The following COG5 variants were observed in gnomAD, a reference collection of about 807,000 sequenced individuals.
COG5 encodes the protein conserved oligomeric Golgi complex subunit 5.
Under a neutral mutation model 110.4 loss-of-function variants are expected in COG5, and 86 were observed. The ratio of observed to expected loss-of-function variants is 0.78; its 90% CI spans 0.65 to 0.93. The LOEUF is 0.93. COG5 is among the 40% of genes least tolerant of loss of function. The pLI, the probability that COG5 is intolerant of heterozygous loss-of-function variation, is 0.00. For synonymous variants in COG5, 360 were observed against 334.6 expected, an observed-to-expected ratio of 1.08 and a Z score of -0.83; for missense variants, 1,077 against 987.0, an observed-to-expected ratio of 1.09 and a Z score of -1.22.
At chr7:107,212,656 T>C (rs774681953) in intron 19 of COG5, among the ~76,000 whole-genome samples, 5 of 152,172 alleles carry the variant, frequency 3.3e-5, no homozygotes, top group Admixed American at 1.3e-4. Flanking sequence ...GTCAGCAAGA[T>C]GGTAGAAGAA....
chr7:107,356,960 G>C (rs932079651), intron 10 of COG5, among the ~76,000 whole-genome samples: 1 of 152,166 alleles, frequency 6.6e-6, no homozygotes, highest in African/African-American at 2.4e-5. Context: ...AAAGAGGTTA[G>C]AAAAAGAGAT....
intron 10 of COG5, among the ~76,000 whole-genome samples, chr7:107,349,506 C>G (rs2129040512): frequency 6.6e-6 from 1 of 151,728 alleles, no homozygotes; most frequent in Non-Finnish European, 1.5e-5. Context: ...TCAAGTGATT[C>G]TCTCCTGCCT....
intron 7 of COG5, among the ~76,000 whole-genome samples, chr7:107,403,595 A>G (rs1387111090): frequency 6.6e-6 from 1 of 151,148 alleles, no homozygotes; most frequent in Non-Finnish European, 1.5e-5. Context: ...GACAACGGAC[A>G]CCTTTTTAAT....
intron 5 of COG5, among the ~76,000 whole-genome samples, chr7:107,531,359 C>A (rs1209027775): frequency 6.6e-6 from 1 of 152,108 alleles, no homozygotes; most frequent in Non-Finnish European, 1.5e-5. Context: ...ATGATTTTCT[C>A]TCTTTTTGTG....
intron 12 of COG5, among the ~76,000 whole-genome samples, chr7:107,285,901 T>G (rs1805587154): frequency 6.6e-6 from 1 of 151,834 alleles, no homozygotes; most frequent in Non-Finnish European, 1.5e-5. Flanking sequence ...TCTTAAAGCT[T>G]ACACAGTAAC....
At chr7:107,333,392 C>T (rs1345006043) in intron 10 of COG5, among the ~76,000 whole-genome samples, 1 of 151,870 alleles carries the variant, frequency 6.6e-6, no homozygotes, top group African/African-American at 2.4e-5. Context: ...AGTAAGAAAC[C>T]CTATACATGT....
chr7:107,236,345 T>C (rs1257039423), intron 18 of COG5, 105 bp downstream of exon 18: 2 of 874,152 alleles, frequency 2.3e-6, no homozygotes, highest in East Asian at 2.4e-5. Flanking sequence ...TTACTTTTCT[T>C]TGTGCTGCAA....
intron 11 of COG5, among the ~76,000 whole-genome samples, chr7:107,298,713 T>C (rs934281152): frequency 6.6e-6 from 1 of 152,150 alleles, no homozygotes. Flanking sequence ...ACACAATACT[T>C]CATGCAAAAC....
At chr7:107,353,049 T>C (rs756177387) in intron 10 of COG5, among the ~76,000 whole-genome samples, 9 of 152,222 alleles carry the variant, frequency 5.9e-5, no homozygotes, top group Non-Finnish European at 8.8e-5. Context: ...GATACCAACA[T>C]TGAATTTCTT....
intron 7 of COG5, among the ~76,000 whole-genome samples, chr7:107,376,329 G>T (rs1409625093): frequency 1.3e-5 from 2 of 151,710 alleles, no homozygotes; most frequent in African/African-American, 4.8e-5. Flanking sequence ...AAGTTTTCAG[G>T]TATTGTTTGA....
At chr7:107,353,858 A>T (rs539679218) in intron 10 of COG5, among the ~76,000 whole-genome samples, 1 of 147,200 alleles carries the variant, frequency 6.8e-6, no homozygotes, top group Admixed American at 6.8e-5. Context: ...GAATCCCACT[A>T]TCATGTGGGA....
intron 10 of COG5, among the ~76,000 whole-genome samples, chr7:107,354,809 T>A (rs1812485410): frequency 6.6e-6 from 1 of 152,230 alleles, no homozygotes. Context: ...ACTATTATTA[T>A]CCTCATCTGA....
At chr7:107,307,371 C>A (rs962068210) in intron 11 of COG5, among the ~76,000 whole-genome samples, 2 of 152,150 alleles carry the variant, frequency 1.3e-5, no homozygotes, top group African/African-American at 4.8e-5. Context: ...CCTTCCTCTG[C>A]CTTAAGTGCT....
intron 10 of COG5, among the ~76,000 whole-genome samples, chr7:107,339,048 C>A (rs948117156): frequency 1.3e-5 from 2 of 152,136 alleles, no homozygotes; most frequent in African/African-American, 4.8e-5. Flanking sequence ...AATGTAAATA[C>A]CCTAAATGCT....
chr7:107,208,034 G>C, intron 21 of COG5: 1 of 985,388 alleles, frequency 1.0e-6, no homozygotes, highest in Non-Finnish European at 1.2e-6. Context: ...GTCTACAGGG[G>C]AAAGAAATTC....
chr7:107,454,260 G>C (rs1024853889), intron 6 of COG5, among the ~76,000 whole-genome samples: 2 of 152,118 alleles, frequency 1.3e-5, no homozygotes, highest in African/African-American at 4.8e-5. Context: ...ATTTAACTCT[G>C]AGAAAATGAT....
At chr7:107,491,131 A>C (rs1012368171) in intron 6 of COG5, among the ~76,000 whole-genome samples, 1 of 152,104 alleles carries the variant, frequency 6.6e-6, no homozygotes, top group Non-Finnish European at 1.5e-5. Flanking sequence ...TTAGGTGGCT[A>C]TTCTTCAGTA....
chr7:107,411,956 A>C (rs1409005375), intron 7 of COG5, among the ~76,000 whole-genome samples: 1 of 152,178 alleles, frequency 6.6e-6, no homozygotes, highest in Non-Finnish European at 1.5e-5. Flanking sequence ...CAATTCAGAA[A>C]ATTAAGCATC....
rs576915685 is a variant in COG5, at chr7:107,437,033, A to C, written c.539-24401T>G. 1.1e-4 allele frequency among the ~76,000 whole-genome samples: 16 copies of C among 152,308 alleles called. No individual in the cohort carries two copies. The South Asian group carries it at 1.9e-3, about 18-fold the overall frequency. ...GTATTGACCAAGTCAAAAATCAGAGATCTAATTTCAACTTCACCATTTACC... is the reference window on the plus strand; with the variant it reads ...GTATTGACCAAGTCAAAAATCAGAGCTCTAATTTCAACTTCACCATTTACC... On this transcript the variant is annotated intron_variant, in intron 6 of 21. Transcript: ENST00000297135.
Sources: gnomAD v4.1 joint callset for allele counts (sites outside exome capture counted in the v4.1 genomes callset) on GRCh38, gnomAD v4.1.1 for gene constraint, MANE v1.5 for transcripts, NCBI Gene and HGNC (gene_info 2026-07-23, HGNC 2026-07-21) for gene names.